Variants in TBX19 observed in about 807,000 individuals in gnomAD.
TBX19 encodes T-box transcription factor TBX19.
A neutral mutation model predicts 40.9 loss-of-function variants in TBX19; 33 were observed. The ratio of observed to expected loss-of-function variants is 0.81; its 90% CI spans 0.61 to 1.08. TBX19 has a LOEUF of 1.08. TBX19 is among the 50% of genes least tolerant of loss of function. The probability of loss-of-function intolerance (pLI) is 0.00; values close to 1 mark genes in which losing one functional copy is unlikely to be tolerated. For synonymous variants in TBX19, 220 were observed against 225.0 expected, an observed-to-expected ratio of 0.98 and a Z score of 0.20; for missense variants, 494 against 574.0, an observed-to-expected ratio of 0.86 and a Z score of 1.42.
chr1:168,310,061 G>A (rs1649486003), intron 7 of TBX19, among the ~76,000 whole-genome samples: 1 of 152,090 alleles, frequency 6.6e-6, no homozygotes, highest in African/African-American at 2.4e-5. Context: ...CAGCACTTTG[G>A]GAGGCCGAGG....
chr1:168,295,954 G>T (rs1469462968), intron 3 of TBX19, among the ~76,000 whole-genome samples: 1 of 152,148 alleles, frequency 6.6e-6, no homozygotes, highest in Admixed American at 6.5e-5. Flanking sequence ...CCACCTGACT[G>T]GTCATTTTTG....
At chr1:168,293,305 G>GTGTGTT (rs753149154) in intron 3 of TBX19, 27 bp downstream of exon 3, 7 of 1,572,814 alleles carry the variant, frequency 4.5e-6, no homozygotes, top group Non-Finnish European at 5.2e-6. Flanking sequence ...GTGTGTGTGT[G>GTGTGTT]TGTGTGTGTG....
At position 168,293,286 on chromosome 1, in the gene TBX19, T is replaced by TGA. The variant is rs1648995831; in HGVS notation, c.603+9_603+10insAG. ...GCCTATCAGAATGAGGAGGTAAGAGTGTGTGTGTGTGTGTGTGTGTGTGTG... is the reference window on the plus strand; with the variant it reads ...GCCTATCAGAATGAGGAGGTAAGAGTGAGTGTGTGTGTGTGTGTGTGTGTGTG... On this transcript the variant is annotated intron_variant, in intron 3 of 7. Transcript: ENST00000367821. 18 of 866,776 alleles carry TGA rather than the reference T, an allele frequency of 2.1e-5. No homozygotes were observed. The highest frequency in any genetic ancestry group is 3.0e-5 in the African/African-American group (1 of 33,850). The allele number at this position is 866,776 out of a possible 1,614,324, so 53.7% of individuals were successfully genotyped here. A position where few individuals can be genotyped will look rare whatever the true frequency, so the allele number is the denominator to read the frequency against.
At chr1:168,287,652 C>T (rs1173553296) in intron 1 of TBX19, among the ~76,000 whole-genome samples, 1 of 152,100 alleles carries the variant, frequency 6.6e-6, no homozygotes, top group East Asian at 1.9e-4. Flanking sequence ...ATGTTTGTTG[C>T]CTGACTTCTT....
chr1:168,283,275 T>C (rs767867609), intron 1 of TBX19, among the ~76,000 whole-genome samples: 13 of 152,256 alleles, frequency 8.5e-5, no homozygotes, highest in Non-Finnish European at 1.9e-4. Context: ...GCTGTTCTTA[T>C]CTATGGATGT....
intron 3 of TBX19, 130 bp from the exon 4 acceptor site, chr1:168,297,594 A>C: frequency 1.3e-6 from 1 of 797,012 alleles, no homozygotes; most frequent in East Asian, 2.7e-5. Context: ...TTACAGGCAT[A>C]AGCCATCGTG....
chr1:168,312,669 CAGT>C (rs1558196439), intron 7 of TBX19, 36 bp from the exon 8 acceptor site: 10 of 1,602,428 alleles, frequency 6.2e-6, no homozygotes, highest in Non-Finnish European at 8.5e-6. Flanking sequence ...CTTGGAGTGC[CAGT>C]GAACATTCCC....
At chr1:168,287,196 CCTTA>C (rs1439188361) in intron 1 of TBX19, among the ~76,000 whole-genome samples, 1 of 152,186 alleles carries the variant, frequency 6.6e-6, no homozygotes, top group Admixed American at 6.5e-5. Flanking sequence ...GGAATTTTCC[CCTTA>C]CTTTGCCTCA....
chr1:168,309,828 T>C (rs943555990), intron 7 of TBX19, among the ~76,000 whole-genome samples: 1 of 152,194 alleles, frequency 6.6e-6, no homozygotes, highest in African/African-American at 2.4e-5. Context: ...TTCAGCTTTC[T>C]TATCGGTATC....
intron 1 of TBX19, among the ~76,000 whole-genome samples, chr1:168,289,848 C>T (rs1457113237): frequency 6.6e-6 from 1 of 152,210 alleles, no homozygotes; most frequent in Non-Finnish European, 1.5e-5. Context: ...CTGCCTCTCT[C>T]CTGCCTAGCA....
chr1:168,305,114 C>T lies in TBX19; in HGVS notation c.834C>T (p.Gly278=). Residue 278 remains glycine, a synonymous_variant, in exon 6 of 8, where the codon GGC becomes GGT. Transcript: ENST00000367821. ...LPLPAPHTHH[G]CEHYSGLRGH... The stretch of plus-strand genomic sequence containing the variant: ...TGCCTGCTCCCCACACCCACCATGG[C>T]TGTGAGCACTATTCGGGTCTCCGAG... 6.2e-7 allele frequency: 1 copy of T among 1,614,136 alleles called. No homozygotes were observed. Among genetic ancestry groups the T allele is most frequent in the East Asian group, 2.2e-5 (1 of 44,884 alleles).
At chr1:168,311,956 C>G (rs758513571) in intron 7 of TBX19, among the ~76,000 whole-genome samples, 1 of 152,158 alleles carries the variant, frequency 6.6e-6, no homozygotes, top group African/African-American at 2.4e-5. Context: ...AAAAACCCCC[C>G]CTAGTGATTC....
In TBX19 at chr1:168,281,079, C is replaced by A; in HGVS notation, c.-12C>A. 2 of 1,613,896 alleles carry A rather than the reference C, an allele frequency of 1.2e-6. No homozygotes were observed. Among genetic ancestry groups the A allele is most frequent in the South Asian group, 2.2e-5 (2 of 91,008 alleles). On this transcript the variant is annotated 5_prime_UTR_variant, in exon 1 of 8. Transcript: ENST00000367821. ...TTGGGTAACGGCTCTCGGCAAAGTT[C>A]GAGAAGTGCCTATGGCCATGAGTGA...
chr1:168,302,361 C>T (rs911588686), intron 5 of TBX19, among the ~76,000 whole-genome samples: 2 of 152,264 alleles, frequency 1.3e-5, no homozygotes, highest in Admixed American at 6.5e-5. Flanking sequence ...TAAGCGAAGG[C>T]GGTGGGTTCT....
chr1:168,291,097 C>G, intron 1 of TBX19, 63 bp from the exon 2 acceptor site: 1 of 1,611,778 alleles, frequency 6.2e-7, no homozygotes, highest in Non-Finnish European at 8.5e-7. Flanking sequence ...TGAGAGGCCC[C>G]TGGACAAGGT....
At chr1:168,305,564 C>T (rs1009325568) in intron 6 of TBX19, among the ~76,000 whole-genome samples, 3 of 152,146 alleles carry the variant, frequency 2.0e-5, no homozygotes, top group African/African-American at 7.2e-5. Context: ...TGGCTCTTTT[C>T]TATAGTTGCA....
intron 7 of TBX19, among the ~76,000 whole-genome samples, chr1:168,309,685 G>T (rs1440206813): frequency 6.6e-6 from 1 of 152,120 alleles, no homozygotes; most frequent in African/African-American, 2.4e-5. Flanking sequence ...ATTAAGTTCT[G>T]ACTTCTAGAA....
rs1452396984 is a variant in TBX19, at chr1:168,313,742, G to A, written c.*740G>A. 1 of 152,466 alleles carries A rather than the reference G, an allele frequency of 6.6e-6. No homozygotes were observed. The highest frequency in any genetic ancestry group is 1.9e-4 in the East Asian group (1 of 5,188). 9.4% of individuals were successfully genotyped at this position (152,466 alleles called of 1,614,324 possible). A position where few individuals can be genotyped will look rare whatever the true frequency, so the allele number is the denominator to read the frequency against. ...AGCTTGTGCAACAAAGTGAGAGCCT[G>A]TCTCTACAAAAAATAGTCATGCACA... On this transcript the variant is annotated 3_prime_UTR_variant, in exon 8 of 8. Transcript: ENST00000367821.
At chr1:168,285,251 A>G (rs1162403489) in intron 1 of TBX19, among the ~76,000 whole-genome samples, 1 of 131,008 alleles carries the variant, frequency 7.6e-6, no homozygotes, top group African/African-American at 2.9e-5. Context: ...GCATCCATGC[A>G]CCATGTATGT....
Sources: gnomAD v4.1 joint callset for allele counts (sites outside exome capture counted in the v4.1 genomes callset) on GRCh38, gnomAD v4.1.1 for gene constraint, MANE v1.5 for transcripts, NCBI Gene and HGNC (gene_info 2026-07-23, HGNC 2026-07-21) for gene names.